PRR5: variants seen among roughly 807,000 people sequenced by gnomAD.
PRR5 encodes proline rich 5, also known as proline-rich protein 5.
PRR5 carries 25 observed loss-of-function variants against 30.6 expected under a neutral mutation model. That is an observed-to-expected ratio of 0.82 (90% CI 0.60 to 1.14). The LOEUF is 1.14. PRR5 is among the 50% of genes most tolerant of loss of function. The pLI, the probability that PRR5 is intolerant of heterozygous loss-of-function variation, is 0.00. For missense variants in PRR5, 600 were observed against 547.1 expected (o/e 1.10, Z -0.96); for synonymous variants, 286 against 247.1 (o/e 1.16, Z -1.48).
intron 1 of PRR5, among the ~76,000 whole-genome samples, chr22:44,707,699 A>G (rs1927452723): frequency 6.6e-6 from 1 of 152,172 alleles, no homozygotes; most frequent in South Asian, 2.1e-4. Context: ...CTGTCTGGGG[A>G]TCCCCAGCAG....
chr22:44,711,575 A>C (rs1291833195), intron 1 of PRR5, among the ~76,000 whole-genome samples: 1 of 152,116 alleles, frequency 6.6e-6, no homozygotes, highest in Non-Finnish European at 1.5e-5. Flanking sequence ...CTCAGGGCAG[A>C]TCACTGAGGA....
intron 1 of PRR5, among the ~76,000 whole-genome samples, chr22:44,710,624 G>A (rs1384214343): frequency 5.3e-5 from 8 of 150,666 alleles, no homozygotes; most frequent in Middle Eastern, 3.2e-3. Context: ...TGAGTGGCCC[G>A]CAGCGAGGCT....
intron 2 of PRR5, among the ~76,000 whole-genome samples, chr22:44,716,673 A>G (rs984208133): frequency 6.6e-6 from 1 of 152,192 alleles, no homozygotes; most frequent in African/African-American, 2.4e-5. Flanking sequence ...CTAATAATGA[A>G]TAGAGCTGGA....
intron 1 of PRR5, among the ~76,000 whole-genome samples, chr22:44,696,460 A>G (rs1925752138): frequency 1.3e-5 from 2 of 152,122 alleles, no homozygotes; most frequent in Non-Finnish European, 2.9e-5. Flanking sequence ...GCTTGGAGAG[A>G]GAATCTTATG....
In PRR5 at chr22:44,693,795, AT is replaced by A. The variant is rs61604082; in HGVS notation, c.-10-8677del. 6.6e-3 allele frequency among the ~76,000 whole-genome samples: 526 copies of A among 79,612 alleles called. 1 individual carries two copies. Among genetic ancestry groups the A allele is most frequent in the Middle Eastern group, 8.3e-3 (1 of 120 alleles). The allele number at this position is 79,612 out of a possible 152,430, so 52.2% of individuals were successfully genotyped here. A position where few individuals can be genotyped will look rare whatever the true frequency, so the allele number is the denominator to read the frequency against. Reference sequence around the variant, plus strand: ...CAGGCGCCTGCCACCACACTCGGCTATTTTTTTTTTTTTTTTTTTTGTATTT... The same window carrying A: ...CAGGCGCCTGCCACCACACTCGGCTATTTTTTTTTTTTTTTTTTTGTATTT... On this transcript the variant is annotated intron_variant, in intron 1 of 8. Coordinates refer to the PRR5 transcript ENST00000006251.
intron 1 of PRR5, among the ~76,000 whole-genome samples, chr22:44,705,469 G>A (rs531763187): frequency 1.2e-3 from 181 of 151,940 alleles, no homozygotes; most frequent in African/African-American, 4.1e-3. Flanking sequence ...GATTACAGGC[G>A]CCCACCACCA....
chr22:44,706,043 G>A (rs1236347491), intron 1 of PRR5, among the ~76,000 whole-genome samples: 1 of 151,900 alleles, frequency 6.6e-6, no homozygotes, highest in African/African-American at 2.4e-5. Context: ...CTGGTGATCC[G>A]CCTGCCTCAG....
chr22:44,701,192 A>G (rs79632469), upstream of PRR5, among the ~76,000 whole-genome samples: 1 of 152,096 alleles, frequency 6.6e-6, no homozygotes, highest in African/African-American at 2.4e-5. Context: ...TACATTTTAT[A>G]TGGGGCCCTC....
intron 1 of PRR5, among the ~76,000 whole-genome samples, chr22:44,685,235 C>G (rs1323417512): frequency 6.6e-6 from 1 of 152,158 alleles, no homozygotes; most frequent in Non-Finnish European, 1.5e-5. Context: ...GTCCTTTACC[C>G]CATGCACTGG....
At position 44,702,609 on chromosome 22, in the gene PRR5, G is replaced by T; in HGVS notation, c.134+1G>T. The stretch of plus-strand genomic sequence containing the variant: ...CCTGCGCCAACGCCACCTGGAACAG[G>T]TAAGGCCGCGCCCTCCCGGCCACCC... On this transcript the variant is annotated splice_donor_variant, in intron 1 of 7. Transcript: ENST00000336985. LOFTEE classifies it high-confidence loss of function. 7.4e-7 allele frequency: 1 copy of T among 1,342,602 alleles called. No homozygotes were observed. Among genetic ancestry groups the T allele is most frequent in the Non-Finnish European group, 9.6e-7 (1 of 1,045,380 alleles). The allele number at this position is 1,342,602 out of a possible 1,614,324, so 83.2% of individuals were successfully genotyped here.
At chr22:44,675,747 G>A (rs548870185), upstream of PRR5, among the ~76,000 whole-genome samples, 142 of 139,732 alleles carry the variant, frequency 1.0e-3, no homozygotes, top group South Asian at 8.8e-3. Context: ...GGTGGCTGTT[G>A]TTACTGTTGC....
chr22:44,698,835 A>C (rs762831077), upstream of PRR5, among the ~76,000 whole-genome samples: 5 of 151,898 alleles, frequency 3.3e-5, no homozygotes, highest in Non-Finnish European at 5.9e-5. Flanking sequence ...TAGGGGCTAG[A>C]CTCCGCCCTT....
At chr22:44,736,625 C>CAGT in intron 7 of PRR5, 147 bp from the exon 8 acceptor site, 1 of 1,350,554 alleles carries the variant, frequency 7.4e-7, no homozygotes. Context: ...GGGCTTGTGG[C>CAGT]GGTGGGACCT....
intron 1 of PRR5, among the ~76,000 whole-genome samples, chr22:44,677,411 G>A (rs902948585): frequency 2.0e-5 from 3 of 152,214 alleles, no homozygotes; most frequent in Non-Finnish European, 4.4e-5. Context: ...CTCCGTTTCA[G>A]CCCTGAATCA....
In PRR5 at chr22:44,737,311, G is replaced by A. The variant is rs911805717; in HGVS notation, c.*64G>A. 183 of 1,520,190 alleles carry A rather than the reference G, an allele frequency of 1.2e-4. No homozygotes were observed. The highest frequency in any genetic ancestry group is 1.4e-4 in the Non-Finnish European group (161 of 1,133,586). The allele number at this position is 1,520,190 out of a possible 1,614,324, so 94.2% of individuals were successfully genotyped here. On this transcript the variant is annotated 3_prime_UTR_variant, in exon 8 of 8. Transcript: ENST00000336985. ...CTGTGTGCGGGGGTGTCCATGTGGC[G>A]TGTGTGTGAGTGAGACTTTTTTACT...
intron 2 of PRR5, among the ~76,000 whole-genome samples, chr22:44,722,281 C>T (rs1157284981): frequency 2.0e-5 from 3 of 152,238 alleles, no homozygotes; most frequent in African/African-American, 7.2e-5. Flanking sequence ...CTCAGCTTCC[C>T]CATCCATGAA....
Position 44,736,518 on chromosome 22 carries a change from G to A in PRR5, c.692-254G>A, listed in dbSNP as rs544839235. ...CTAAGGTCAAACAGAGGTCGCTGGC[G>A]GGGTGCAGGTTCAAACCCAGGCATT... On this transcript the variant is annotated intron_variant, in intron 7 of 7. Transcript: ENST00000336985. Among the ~76,000 whole-genome samples the A allele has an allele frequency of 5.9e-5, 9 of 152,358 alleles. No individual in the cohort carries two copies. The East Asian group carries it at 9.6e-4, about 16-fold the overall frequency.
upstream of PRR5, among the ~76,000 whole-genome samples, chr22:44,697,683 G>T (rs1030246355): frequency 6.6e-6 from 1 of 152,244 alleles, no homozygotes; most frequent in African/African-American, 2.4e-5. Flanking sequence ...GTGCCCCGGG[G>T]AGAGTGGGCG....
chr22:44,675,762 G>GGTATTATTA (rs1555894609), upstream of PRR5, among the ~76,000 whole-genome samples: 1 of 142,962 alleles, frequency 7.0e-6, no homozygotes, highest in East Asian at 2.0e-4. Context: ...TGTTGCTGTT[G>GGTATTATTA]TTATTATTAT....
Sources: allele counts gnomAD v4.1 joint callset (sites outside exome capture counted in the v4.1 genomes callset), GRCh38; gene constraint gnomAD v4.1.1; transcripts MANE v1.5; gene names NCBI Gene and HGNC (gene_info 2026-07-23, HGNC 2026-07-21).